Variants in EGF observed in about 807,000 individuals in gnomAD.
EGF encodes the protein epidermal growth factor.
Under a neutral mutation model 143.8 loss-of-function variants are expected in EGF, and 95 were observed. The observed-to-expected ratio is 0.66, with a 90% CI of 0.56 to 0.78. EGF has a LOEUF of 0.78. Ranked by LOEUF, EGF falls within the 30% of genes least tolerant of loss-of-function variation. The pLI is 0.00. For synonymous variants in EGF, 510 were observed against 510.5 expected (o/e 1.00, Z 0.01); for missense variants, 1,320 against 1,470.9 (o/e 0.90, Z 1.68).
At chr4:109,978,351 T>C (rs990567320) in intron 13 of EGF, among the ~76,000 whole-genome samples, 3 of 152,236 alleles carry the variant, frequency 2.0e-5, no homozygotes, top group African/African-American at 7.2e-5. Context: ...TTAATTGTGG[T>C]TCTTCTGTAA....
At chr4:110,003,721 G>A (rs967115405) in intron 21 of EGF, among the ~76,000 whole-genome samples, 2 of 141,752 alleles carry the variant, frequency 1.4e-5, no homozygotes, top group Non-Finnish European at 3.0e-5. Flanking sequence ...AGTGAATGAC[G>A]CCGTGTATAG....
At chr4:109,948,646 G>T (rs189590785) in intron 5 of EGF, among the ~76,000 whole-genome samples, 15 of 152,186 alleles carry the variant, frequency 9.9e-5, no homozygotes, top group Admixed American at 9.8e-4. Context: ...ATCACACCTG[G>T]CTAATTTTGT....
intron 1 of EGF, among the ~76,000 whole-genome samples, chr4:109,931,356 G>A (rs1322308385): frequency 6.6e-6 from 1 of 152,156 alleles, no homozygotes; most frequent in Non-Finnish European, 1.5e-5. Context: ...ATAAAATGAT[G>A]TTGACAGTGT....
intron 20 of EGF, among the ~76,000 whole-genome samples, chr4:109,998,049 G>A (rs1199310373): frequency 2.0e-5 from 3 of 152,152 alleles, no homozygotes; most frequent in African/African-American, 7.2e-5. Context: ...GGAAAATGCT[G>A]AATGACTATT....
At chr4:109,994,607 C>T (rs561497155) in intron 19 of EGF, 126 bp from the exon 20 acceptor site, 149 of 1,099,722 alleles carry the variant, frequency 1.4e-4, no homozygotes, top group Non-Finnish European at 1.8e-4. Flanking sequence ...ATTGTCCCTT[C>T]TAGTAGTTCT....
intron 1 of EGF, among the ~76,000 whole-genome samples, chr4:109,938,203 T>C (rs1397020864): frequency 6.6e-6 from 1 of 152,210 alleles, no homozygotes; most frequent in African/African-American, 2.4e-5. Context: ...TTTGAGGCTT[T>C]GTTTGTTTCT....
At chr4:109,976,256 A>G (rs775960918) in intron 13 of EGF, 21 bp downstream of exon 13, 1 of 1,601,474 alleles carries the variant, frequency 6.2e-7, no homozygotes, top group Non-Finnish European at 8.5e-7. Context: ...GGGATGGGCG[A>G]TTTTTTCATC....
chr4:110,011,553 C>T lies in EGF; in HGVS notation c.*98C>T. The stretch of plus-strand genomic sequence containing the variant: ...AGCAAAACTATAGGTTTTGGTTCCA[C>T]AATCTCTACGACTAATCACCTACTC... On this transcript the variant is annotated 3_prime_UTR_variant, in exon 24 of 24. Transcript: ENST00000265171. 1 of 1,580,080 alleles carries T rather than the reference C, an allele frequency of 6.3e-7. No individual in the cohort carries two copies. Among genetic ancestry groups the T allele is most frequent in the African/African-American group, 1.3e-5 (1 of 74,360 alleles).
chr4:109,997,831 C>G (rs2126167441), intron 20 of EGF, among the ~76,000 whole-genome samples: 1 of 152,028 alleles, frequency 6.6e-6, no homozygotes, highest in East Asian at 1.9e-4. Flanking sequence ...CCACTGCACT[C>G]CAGCCTGGGA....
intron 20 of EGF, among the ~76,000 whole-genome samples, 179 bp downstream of exon 20, chr4:109,995,059 C>T (rs540564354): frequency 6.6e-6 from 1 of 152,142 alleles, no homozygotes; most frequent in African/African-American, 2.4e-5. Context: ...TTGTGTATCA[C>T]GATGCCCCCT....
At chr4:109,919,002 C>A (rs2125928579) in intron 1 of EGF, among the ~76,000 whole-genome samples, 1 of 152,302 alleles carries the variant, frequency 6.6e-6, no homozygotes, top group Non-Finnish European at 1.5e-5. Context: ...TTCAGACCAT[C>A]CATATCCTTC....
Position 109,994,801 on chromosome 4 carries a change from T to G in EGF, c.2926T>G (p.Cys976Gly). 1 of 1,614,180 alleles carries G rather than the reference T, an allele frequency of 6.2e-7. No individual in the cohort carries two copies. ...HYSVRNSDSECPLSHDGYCLH... is the reference protein window; with the variant it reads ...HYSVRNSDSEGPLSHDGYCLH... ...TTCCGTAAGAAATAGTGACTCTGAA[T>G]GTCCCCTGTCCCACGATGGGTACTG... The change falls in exon 20 of 24, where the codon TGT becomes GGT. Residue 976 changes from cysteine to glycine, a missense_variant. Physicochemically the swap from Cys to Gly is radical, Grantham distance 159. Transcript: ENST00000265171.
rs985719784 is a variant in EGF, at chr4:110,011,744, T to G, written c.*289T>G. 2 of 439,098 alleles carry G rather than the reference T, an allele frequency of 4.6e-6. No homozygotes were observed. The highest frequency in any genetic ancestry group is 4.0e-5 in the African/African-American group (2 of 50,212). 27.2% of individuals were successfully genotyped at this position (439,098 alleles called of 1,614,324 possible). ...AAATTGTGTTGTCTTCAGCAGTCAA[T>G]ACAAATAGATTTTTGTTTTTGTTGT... On this transcript the variant is annotated 3_prime_UTR_variant, in exon 24 of 24. Transcript: ENST00000265171.
At chr4:109,933,884 T>C (rs899116689) in intron 1 of EGF, among the ~76,000 whole-genome samples, 14 of 152,294 alleles carry the variant, frequency 9.2e-5, no homozygotes, top group African/African-American at 3.4e-4. Flanking sequence ...AATAAACATA[T>C]GTGTGCATAT....
chr4:110,001,330 A>G (rs183831967), intron 21 of EGF, among the ~76,000 whole-genome samples: 3 of 152,336 alleles, frequency 2.0e-5, no homozygotes, highest in African/African-American at 7.2e-5. Flanking sequence ...ACCTTCCCCC[A>G]AAAGAGTCAT....
intron 22 of EGF, among the ~76,000 whole-genome samples, chr4:110,007,155 T>C (rs558363570): frequency 1.3e-5 from 2 of 152,352 alleles, no homozygotes; most frequent in East Asian, 3.9e-4. Context: ...ACATGTTCTG[T>C]GGATTCACAC....
In EGF at chr4:109,993,510, T is replaced by A. The variant is rs545258923; in HGVS notation, c.2857+141T>A. On this transcript the variant is annotated intron_variant, in intron 19 of 23. Coordinates refer to ENST00000265171, the MANE Select transcript of EGF (RefSeq NM_001963.6). Reference sequence around the variant, plus strand: ...GAGCTGGCTTTCCTGATTAGGACGATGCTGGGCTTGAGAATTTGAAATGGT... The same window carrying A: ...GAGCTGGCTTTCCTGATTAGGACGAAGCTGGGCTTGAGAATTTGAAATGGT... 32 of 1,172,866 alleles carry A rather than the reference T, an allele frequency of 2.7e-5. No homozygotes were observed. In the South Asian group the frequency reaches 4.5e-4, roughly 17 times the overall value. 72.7% of individuals were successfully genotyped at this position (1,172,866 alleles called of 1,614,324 possible). A position where few individuals can be genotyped will look rare whatever the true frequency, so the allele number is the denominator to read the frequency against.
chr4:109,993,831 A>G (rs1314827984), intron 19 of EGF, among the ~76,000 whole-genome samples: 2 of 152,102 alleles, frequency 1.3e-5, no homozygotes, highest in Non-Finnish European at 2.9e-5. Flanking sequence ...AATATTCATA[A>G]TGGTTGACTC....
chr4:109,996,941 T>C (rs1173783629), intron 20 of EGF, among the ~76,000 whole-genome samples: 1 of 152,216 alleles, frequency 6.6e-6, no homozygotes, highest in Non-Finnish European at 1.5e-5. Context: ...TGTGAAATGC[T>C]TTTTAAAAAC....
Sources: allele counts gnomAD v4.1 joint callset (sites outside exome capture counted in the v4.1 genomes callset), GRCh38; gene constraint gnomAD v4.1.1; transcripts MANE v1.5; gene names NCBI Gene and HGNC (gene_info 2026-07-23, HGNC 2026-07-21).